The following NT5C1B variants were observed in gnomAD, a reference collection of about 807,000 sequenced individuals.
The protein encoded by NT5C1B is cytosolic 5'-nucleotidase 1B.
NT5C1B carries 44 observed loss-of-function variants against 57.8 expected under a neutral mutation model. The ratio of observed to expected loss-of-function variants is 0.76; its 90% CI spans 0.60 to 0.98. The LOEUF is 0.98. Among genes scored for constraint, NT5C1B ranks in the 50% least tolerant of loss-of-function variants. The probability of loss-of-function intolerance (pLI) is 0.00; values close to 1 mark genes in which losing one functional copy is unlikely to be tolerated. For missense variants in NT5C1B, 742 were observed against 719.5 expected (o/e 1.03, Z -0.36); for synonymous variants, 284 against 282.6 (o/e 1.00, Z -0.05).
Position 18,584,167 on chromosome 2 carries a change from C to T in NT5C1B, c.812G>A (p.Gly271Asp). The T allele has an allele frequency of 1.2e-6, 2 of 1,614,166 alleles. No individual in the cohort carries two copies. The highest frequency in any genetic ancestry group is 2.2e-5 in the South Asian group (2 of 91,084). The change falls in exon 5 of 9, where the codon GGT becomes GAT. Residue 271 changes from glycine (G) to aspartate (D), a missense_variant. Transcript: ENST00000304081. The surrounding 1 kb of genome is among the most constrained non-coding windows in gnomAD (Gnocchi z 5.8). ...CTGATACTCCATGTACTTTTCCAGA[C>T]CCTCTTGCTCGTAGATTTTCCTGCC...
intron 8 of NT5C1B, among the ~76,000 whole-genome samples, chr2:18,573,595 A>G (rs1450140875): frequency 6.6e-6 from 1 of 152,034 alleles, no homozygotes; most frequent in Non-Finnish European, 1.5e-5. Flanking sequence ...CTACATTCAG[A>G]CTTGTTAAAT....
chr2:18,584,814 A>G lies in NT5C1B; in HGVS notation c.423T>C (p.Pro141=), dbSNP rs753617550. The G allele has an allele frequency of 1.6e-5, 26 of 1,612,728 alleles. No homozygotes were observed. The highest frequency in any genetic ancestry group is 2.1e-5 in the Non-Finnish European group (25 of 1,179,626). ...GCATTTTGGTGCTGCGCCGGGAGCC[A>G]GGATCGGGCTCTGGGGGCGTGGGAG... Residue 141 remains proline (P), a synonymous_variant, in exon 4 of 9, where the codon CCT becomes CCC. Transcript: ENST00000304081. This position sits in a 1 kb window ranked among gnomAD's most constrained non-coding sequence, Gnocchi z 5.8.
At chr2:18,577,020 C>A in intron 6 of NT5C1B, 125 bp from the exon 7 acceptor site, 1 of 1,492,900 alleles carries the variant, frequency 6.7e-7, no homozygotes. Flanking sequence ...TATTTGTGAA[C>A]CTAAAGGAAA....
At chr2:18,574,395 T>C (rs1254615214) in intron 8 of NT5C1B, among the ~76,000 whole-genome samples, 1 of 152,112 alleles carries the variant, frequency 6.6e-6, no homozygotes, top group Non-Finnish European at 1.5e-5. Flanking sequence ...TCAAATGGTA[T>C]AGCCACTGTA....
rs749971612 is a variant in NT5C1B at position 18,589,537 on chromosome 2, T to A, written c.-69A>T. The A allele has an allele frequency of 1.9e-6, 3 of 1,610,462 alleles. No homozygotes were observed. Among genetic ancestry groups the A allele is most frequent in the Admixed American group, 1.7e-5 (1 of 59,948 alleles). On this transcript the variant is annotated 5_prime_UTR_variant, in exon 1 of 9. In the 5' UTR this introduces an upstream ATG that the reference lacks. Transcript: ENST00000304081. ...TCTCCCCAGCTCCATTTCCTGTCAC[T>A]TCCCTTGCTCAGTCTAGCTTTGCAT...
At chr2:18,583,806 A>G in intron 5 of NT5C1B, 1 of 611,818 alleles carries the variant, frequency 1.6e-6, no homozygotes, top group Non-Finnish European at 3.1e-6. Flanking sequence ...GCTTCTTAGC[A>G]CTCCTTCGAG....
At chr2:18,580,352 G>A (rs538258697) in intron 6 of NT5C1B, among the ~76,000 whole-genome samples, 20 of 152,298 alleles carry the variant, frequency 1.3e-4, no homozygotes, top group South Asian at 8.3e-4. Flanking sequence ...GGTGGCTCAC[G>A]CCTGTAATCC....
At chr2:18,587,645 A>T (rs1666843126) in intron 1 of NT5C1B, 53 bp from the exon 2 acceptor site, 1 of 1,568,750 alleles carries the variant, frequency 6.4e-7, no homozygotes, top group African/African-American at 1.4e-5. Context: ...GGGCATTAGG[A>T]ACTTTGGCTT....
intron 7 of NT5C1B, 80 bp downstream of exon 7, chr2:18,576,693 T>A (rs374085410): frequency 1.9e-6 from 3 of 1,581,134 alleles, no homozygotes; most frequent in South Asian, 1.2e-5. Flanking sequence ...ATAAGCCTCA[T>A]AATCATATGC....
At chr2:18,586,660 CTTATG>C (rs1666739267) in intron 2 of NT5C1B, 1 of 589,068 alleles carries the variant, frequency 1.7e-6, no homozygotes, top group South Asian at 2.2e-5. Context: ...TGTGACTCCT[CTTATG>C]TGGATATTAG....
chr2:18,581,243 A>G (rs1000043575), intron 6 of NT5C1B, among the ~76,000 whole-genome samples: 5 of 152,196 alleles, frequency 3.3e-5, no homozygotes, highest in African/African-American at 1.2e-4. Context: ...AATATGTATC[A>G]AGAGCTTTTA....
At chr2:18,582,775 C>T in intron 6 of NT5C1B, 93 bp downstream of exon 6, 26 of 1,523,736 alleles carry the variant, frequency 1.7e-5, no homozygotes, top group Non-Finnish European at 2.1e-5. Flanking sequence ...ATCAAAGACA[C>T]TGCATTTGGT....
At chr2:18,588,724 C>A (rs1401037468) in intron 1 of NT5C1B, among the ~76,000 whole-genome samples, 1 of 152,134 alleles carries the variant, frequency 6.6e-6, no homozygotes, top group African/African-American at 2.4e-5. Flanking sequence ...TAAATCCTCT[C>A]CACTTCTAGA....
At chr2:18,587,378 T>G in intron 2 of NT5C1B, 125 bp downstream of exon 2, 9 of 1,512,962 alleles carry the variant, frequency 5.9e-6, no homozygotes, top group Non-Finnish European at 7.9e-6. Flanking sequence ...ATGAGGACAT[T>G]AGGGACGCCT....
chr2:18,576,355 C>A (rs756723610), exon 8 of NT5C1B: 14 of 1,612,560 alleles, frequency 8.7e-6, no homozygotes, highest in Non-Finnish European at 1.2e-5. Flanking sequence ...CAAACATTGT[C>A]GCAGAGGCAA....
intron 6 of NT5C1B, among the ~76,000 whole-genome samples, chr2:18,581,543 G>A (rs1666185830): frequency 6.6e-6 from 1 of 151,960 alleles, no homozygotes; most frequent in Admixed American, 6.6e-5. Context: ...GAGTAGGTCA[G>A]GTCCATTAAC....
intron 3 of NT5C1B, 74 bp downstream of exon 3, chr2:18,586,180 G>T (rs891321184): frequency 1.3e-6 from 2 of 1,566,474 alleles, no homozygotes; most frequent in African/African-American, 1.4e-5. Flanking sequence ...GGCCTGGCAC[G>T]TAGAAAGCAT....
At chr2:18,576,862 C>A (rs1398935885) in exon 7 of NT5C1B, 26 of 1,613,708 alleles carry the variant, frequency 1.6e-5, no homozygotes, top group Non-Finnish European at 2.2e-5. Flanking sequence ...GGGGTCTTTT[C>A]CCCCGGTCAG....
At chr2:18,573,860 G>A (rs1191713560) in intron 8 of NT5C1B, among the ~76,000 whole-genome samples, 5 of 152,072 alleles carry the variant, frequency 3.3e-5, no homozygotes, top group African/African-American at 1.2e-4. Flanking sequence ...GCATAATAAA[G>A]GAAAGCATGT....
Sources: allele counts gnomAD v4.1 joint callset (sites outside exome capture counted in the v4.1 genomes callset), GRCh38; gene constraint gnomAD v4.1.1; non-coding constraint Gnocchi (gnomAD v3.1); transcripts MANE v1.5; gene names NCBI Gene and HGNC (gene_info 2026-07-23, HGNC 2026-07-21).